The following DAB2IP variants were observed in gnomAD, a reference collection of about 807,000 sequenced individuals.
The protein encoded by DAB2IP is DAB2 interacting protein.
A neutral mutation model predicts 107.2 loss-of-function variants in DAB2IP; 28 were observed. That is an observed-to-expected ratio of 0.26 (90% CI 0.19 to 0.36). The LOEUF (loss-of-function observed/expected upper bound fraction) is 0.36, where lower values mean the gene tolerates loss of function less well. Among genes scored for constraint, DAB2IP ranks in the 10% least tolerant of loss-of-function variants. The probability of loss-of-function intolerance (pLI) is 1.00; values close to 1 mark genes in which losing one functional copy is unlikely to be tolerated. For synonymous variants in DAB2IP, 755 were observed against 706.4 expected, an observed-to-expected ratio of 1.07 and a Z score of -1.09; for missense variants, 1,400 against 1,644.7, an observed-to-expected ratio of 0.85 and a Z score of 2.57.
intron 1 of DAB2IP, among the ~76,000 whole-genome samples, chr9:121,600,223 T>A (rs2777319): frequency 6.6e-6 from 1 of 151,864 alleles, no homozygotes. Context: ...CCAAACCTCT[T>A]TATCCAGAGC....
chr9:121,649,277 G>C (rs1832655183), upstream of DAB2IP, among the ~76,000 whole-genome samples: 1 of 144,798 alleles, frequency 6.9e-6, no homozygotes, highest in African/African-American at 2.4e-5. Context: ...TCTCCCTATA[G>C]GTAGGGAAAC....
chr9:121,675,020 A>G (rs773621360), intron 1 of DAB2IP, among the ~76,000 whole-genome samples: 14 of 150,762 alleles, frequency 9.3e-5, no homozygotes, highest in Non-Finnish European at 1.8e-4. Flanking sequence ...CCATAACTGC[A>G]GTGGGTACCC....
intron 1 of DAB2IP, among the ~76,000 whole-genome samples, chr9:121,590,035 A>G (rs1387675366): frequency 6.7e-6 from 1 of 148,202 alleles, no homozygotes; most frequent in East Asian, 2.0e-4. Context: ...GCATCTGAGA[A>G]TGATTAGACT....
chr9:121,731,709 C>G (rs1490294181), intron 3 of DAB2IP, among the ~76,000 whole-genome samples: 1 of 152,092 alleles, frequency 6.6e-6, no homozygotes, highest in Admixed American at 6.5e-5. Flanking sequence ...TTGGGACCTA[C>G]CCACAACCAC....
At chr9:121,733,872 G>C (rs1831700218) in intron 3 of DAB2IP, among the ~76,000 whole-genome samples, 1 of 152,368 alleles carries the variant, frequency 6.6e-6, no homozygotes, top group Non-Finnish European at 1.5e-5. Flanking sequence ...CTTTGTGACT[G>C]TTCCCTGTGA....
chr9:121,751,462 G>A (rs1467367499), intron 3 of DAB2IP: 1 of 152,594 alleles, frequency 6.6e-6, no homozygotes, highest in Non-Finnish European at 1.5e-5. Flanking sequence ...GAGAGACCAG[G>A]GACCACTTTG....
intron 1 of DAB2IP, among the ~76,000 whole-genome samples, chr9:121,575,712 A>C (rs1830042117): frequency 6.6e-6 from 1 of 151,990 alleles, no homozygotes; most frequent in East Asian, 1.9e-4. Flanking sequence ...GGATATCCAG[A>C]GTCTAGCCTT....
At chr9:121,584,422 A>AG (rs1830271753) in intron 1 of DAB2IP, among the ~76,000 whole-genome samples, 1 of 151,798 alleles carries the variant, frequency 6.6e-6, no homozygotes, top group African/African-American at 2.4e-5. Context: ...AAAAAAAAAA[A>AG]GTAAATAAAA....
At chr9:121,641,783 C>A (rs1397769246) in intron 1 of DAB2IP, among the ~76,000 whole-genome samples, 1 of 152,042 alleles carries the variant, frequency 6.6e-6, no homozygotes, top group Non-Finnish European at 1.5e-5. Context: ...TGCCTGCCTG[C>A]CTGCCTGCCT....
At position 121,666,367 on chromosome 9, in the gene DAB2IP, G is replaced by A. The variant is rs111892737; in HGVS notation, c.125-12311G>A. 3.2e-3 allele frequency among the ~76,000 whole-genome samples: 489 copies of A among 152,330 alleles called. 5 individuals are homozygous for A. The highest frequency in any genetic ancestry group is 9.1e-3 in the African/African-American group (379 of 41,578). On this transcript the variant is annotated intron_variant, in intron 1 of 15. Coordinates refer to ENST00000408936, the Ensembl canonical transcript of DAB2IP. Reference sequence around the variant, plus strand: ...TATCACAGGTTCTAGGGATTAGGACGCATGGTTCCTTGGGGAACATTATTG... The same window carrying A: ...TATCACAGGTTCTAGGGATTAGGACACATGGTTCCTTGGGGAACATTATTG...
At position 121,753,979 on chromosome 9, in the gene DAB2IP, C is replaced by T. The variant is rs111498315; in HGVS notation, c.363-3034C>T. 6.6e-3 allele frequency among the ~76,000 whole-genome samples: 1,002 copies of T among 152,302 alleles called. 12 individuals carry two copies. Among genetic ancestry groups the T allele is most frequent in the African/African-American group, 0.023 (949 of 41,578 alleles). On this transcript the variant is annotated intron_variant, in intron 3 of 15. Coordinates refer to ENST00000408936, the Ensembl canonical transcript of DAB2IP. ...AAAGGAAGTGGCCCAACAATGCCAG[C>T]ATGGGATGAAGCCAGGGTAGGGGAG...
At chr9:121,689,760 C>T (rs1012927716) in intron 2 of DAB2IP, among the ~76,000 whole-genome samples, 1 of 152,240 alleles carries the variant, frequency 6.6e-6, no homozygotes, top group Non-Finnish European at 1.5e-5. Context: ...GGAGACTCCC[C>T]CCCCATGTGT....
Position 121,699,927 on chromosome 9 carries a change from T to G in DAB2IP, c.362+469T>G, listed in dbSNP as rs919714889. Reference sequence around the variant, plus strand: ...GCGCTGCCCGTGGTGAGGGGAAGGGTGAACATCTGGAGGGGAGGAGCAGGG... The same window carrying G: ...GCGCTGCCCGTGGTGAGGGGAAGGGGGAACATCTGGAGGGGAGGAGCAGGG... On this transcript the variant is annotated intron_variant, in intron 3 of 15. Transcript: ENST00000408936. The surrounding 1 kb of genome is among the most constrained non-coding windows in gnomAD (Gnocchi z 6.2). Among the ~76,000 whole-genome samples the G allele has an allele frequency of 2.0e-5, 3 of 151,792 alleles. No individual in the cohort carries two copies. The highest frequency in any genetic ancestry group is 7.3e-5 in the African/African-American group (3 of 41,334).
chr9:121,693,012 T>G (rs1456377792), intron 2 of DAB2IP, among the ~76,000 whole-genome samples: 2 of 152,166 alleles, frequency 1.3e-5, no homozygotes, highest in Admixed American at 6.5e-5. Context: ...AATCATCAAA[T>G]ATCAGCGCTG....
At position 121,699,157 on chromosome 9, in the gene DAB2IP, G is replaced by A. The variant is rs1211654353; in HGVS notation, c.229-168G>A. Reference sequence around the variant, plus strand: ...GCGCGGGCCGGGCCGTCGGCGCTCGGTCGGCGGGCGGGCGGCGCGGGCCGC... The same window carrying A: ...GCGCGGGCCGGGCCGTCGGCGCTCGATCGGCGGGCGGGCGGCGCGGGCCGC... On this transcript the variant is annotated intron_variant, in intron 2 of 15. Transcript: ENST00000408936. The surrounding 1 kb of genome is among the most constrained non-coding windows in gnomAD (Gnocchi z 6.2). 6.9e-6 allele frequency among the ~76,000 whole-genome samples: 1 copy of A among 144,926 alleles called. No homozygotes were observed. Among genetic ancestry groups the A allele is most frequent in the Non-Finnish European group, 1.5e-5 (1 of 65,494 alleles).
At chr9:121,712,032 G>C (rs187284929) in intron 3 of DAB2IP, among the ~76,000 whole-genome samples, 107 of 152,352 alleles carry the variant, frequency 7.0e-4, no homozygotes, top group Non-Finnish European at 1.4e-3. Flanking sequence ...CTTGCTGGGA[G>C]CAAAGTCTGC....
chr9:121,668,531 A>G (rs2119110304), intron 1 of DAB2IP, among the ~76,000 whole-genome samples: 1 of 152,032 alleles, frequency 6.6e-6, no homozygotes, highest in South Asian at 2.1e-4. Flanking sequence ...GAGCCACTGC[A>G]CCCAGGCTGT....
chr9:121,621,353 AG>A (rs1363271333), intron 1 of DAB2IP, among the ~76,000 whole-genome samples: 1 of 152,086 alleles, frequency 6.6e-6, no homozygotes, highest in African/African-American at 2.4e-5. Flanking sequence ...CTCGGTTTTC[AG>A]GGCCCTTCTT....
chr9:121,693,383 A>G (rs532089985), intron 2 of DAB2IP, among the ~76,000 whole-genome samples: 1 of 152,050 alleles, frequency 6.6e-6, no homozygotes, highest in Admixed American at 6.5e-5. Context: ...CAGCTCATGC[A>G]CCCAGCATCT....
Sources: allele counts gnomAD v4.1 joint callset (sites outside exome capture counted in the v4.1 genomes callset), GRCh38; gene constraint gnomAD v4.1.1; non-coding constraint Gnocchi (gnomAD v3.1); transcripts MANE v1.5; gene names NCBI Gene and HGNC (gene_info 2026-07-23, HGNC 2026-07-21).